Variants in CLEC16A observed in about 807,000 individuals in gnomAD.
CLEC16A encodes the protein C-type lectin domain containing 16A.
In CLEC16A, 51 loss-of-function variants were observed where a neutral mutation model predicts 109.5. That is an observed-to-expected ratio of 0.47 (90% confidence interval 0.37 to 0.59). The LOEUF is 0.59. Among genes scored for constraint, CLEC16A ranks in the 20% least tolerant of loss-of-function variants. The pLI is 0.00. For synonymous variants in CLEC16A, 673 were observed against 564.2 expected, an observed-to-expected ratio of 1.19 and a Z score of -2.73; for missense variants, 1,339 against 1,394.0, an observed-to-expected ratio of 0.96 and a Z score of 0.63.
chr16:11,063,277 C>CTTTTTT (rs56409015), intron 19 of CLEC16A, among the ~76,000 whole-genome samples: 1 of 79,098 alleles, frequency 1.3e-5, no homozygotes. Context: ...TTCTTCTTTC[C>CTTTTTT]TTTTTTTTTT....
At chr16:11,103,355 G>A (rs755371527) in intron 19 of CLEC16A, among the ~76,000 whole-genome samples, 2 of 152,160 alleles carry the variant, frequency 1.3e-5, no homozygotes, top group African/African-American at 2.4e-5. Flanking sequence ...TGAGGTGGGC[G>A]GATCACCTGA....
Position 11,178,433 on chromosome 16 carries a change from G to C in CLEC16A, c.2905G>C (p.Ala969Pro), listed in dbSNP as rs376391686. ...AGACTCTAAGCCCAGCAAGAACGTGGCCAGGAGCGCAGCCGTGGAGACAGC... is the reference window on the plus strand; with the variant it reads ...AGACTCTAAGCCCAGCAAGAACGTGCCCAGGAGCGCAGCCGTGGAGACAGC... ...EADSKPSKNVARSAAVETASL... is the reference protein window; with the variant it reads ...EADSKPSKNVPRSAAVETASL... The change falls in exon 24 of 24, where the codon GCC becomes CCC. Residue 969 changes from alanine (A) to proline (P), a missense_variant. Physicochemically the swap from Ala to Pro is conservative, Grantham distance 27. Around this residue, in one of 3 missense-constraint regions of CLEC16A, gnomAD observed 1,061 missense variants for 1,006.8 expected, o/e 1.05. Transcript: ENST00000409790. This position sits in a 1 kb window ranked among gnomAD's most constrained non-coding sequence, Gnocchi z 6.5. 1 of 1,613,500 alleles carries C rather than the reference G, an allele frequency of 6.2e-7. No individual in the cohort carries two copies. The highest frequency in any genetic ancestry group is 1.3e-5 in the African/African-American group (1 of 74,922).
chr16:11,123,966 CA>C lies in CLEC16A; in HGVS notation c.2473+21del, dbSNP rs2153033095. 1 of 1,576,150 alleles carries C rather than the reference CA, an allele frequency of 6.3e-7. No individual in the cohort carries two copies. The highest frequency in any genetic ancestry group is 1.4e-5 in the African/African-American group (1 of 73,988). Reference sequence around the variant, plus strand: ...TAGCTGGTGAGTGGCTGGACCCTGGCAGGGCATCCTCTGAGCACTTGGTGGG... The same window carrying C: ...TAGCTGGTGAGTGGCTGGACCCTGGCGGGCATCCTCTGAGCACTTGGTGGG... On this transcript the variant is annotated intron_variant, in intron 21 of 23. Transcript: ENST00000409790.
chr16:11,085,949 C>G (rs2049986837), intron 19 of CLEC16A, among the ~76,000 whole-genome samples: 1 of 152,174 alleles, frequency 6.6e-6, no homozygotes, highest in East Asian at 1.9e-4. Context: ...CATATCAGTA[C>G]CTGTGGGAAG....
chr16:11,026,918 C>G, intron 13 of CLEC16A: 1 of 941,496 alleles, frequency 1.1e-6, no homozygotes, highest in Admixed American at 2.1e-5. Flanking sequence ...ACTGGGTCCT[C>G]CAGCGTGAGC....
intron 19 of CLEC16A, among the ~76,000 whole-genome samples, chr16:11,070,111 C>G (rs2048986250): frequency 6.6e-6 from 1 of 151,982 alleles, no homozygotes; most frequent in Non-Finnish European, 1.5e-5. Context: ...CACCCTATTG[C>G]CCAGGCTGGA....
intron 22 of CLEC16A, among the ~76,000 whole-genome samples, chr16:11,163,012 G>A (rs2054779261): frequency 6.6e-6 from 1 of 152,194 alleles, no homozygotes; most frequent in South Asian, 2.1e-4. Flanking sequence ...AGGGAGGCCG[G>A]TTTGCCTTCA....
chr16:11,173,553 G>T (rs908646703), intron 23 of CLEC16A, among the ~76,000 whole-genome samples: 5 of 152,090 alleles, frequency 3.3e-5, no homozygotes, highest in African/African-American at 9.7e-5. Flanking sequence ...GGAGAGGCTC[G>T]TGGAGAGGCT....
At chr16:10,967,104 A>C (rs2042549151) in intron 3 of CLEC16A, among the ~76,000 whole-genome samples, 1 of 152,180 alleles carries the variant, frequency 6.6e-6, no homozygotes. Flanking sequence ...TACAAACCGC[A>C]CAGCCTGTCT....
chr16:10,947,877 C>G (rs923262298), intron 1 of CLEC16A, among the ~76,000 whole-genome samples: 3 of 151,514 alleles, frequency 2.0e-5, no homozygotes, highest in Non-Finnish European at 2.9e-5. Context: ...TTTAAATACA[C>G]AAGGCATCTG....
rs1329881750 is a variant in CLEC16A, at chr16:11,060,892, G to A, written c.1996-10G>A. On this transcript the variant is annotated splice_polypyrimidine_tract_variant and intron_variant, in intron 18 of 23. Coordinates refer to ENST00000409790, the MANE Select transcript of CLEC16A (RefSeq NM_015226.3). ...CTCACTCTTCTCTGCTCTCTGAACT[G>A]TTGGTCCAGGCCATCCGGGTGTTCT... 6.2e-7 allele frequency: 1 copy of A among 1,603,722 alleles called. No homozygotes were observed. The highest frequency in any genetic ancestry group is 1.1e-5 in the South Asian group (1 of 89,566).
chr16:11,020,152 A>G, intron 11 of CLEC16A, 41 bp from the exon 12 acceptor site: 1 of 1,566,564 alleles, frequency 6.4e-7, no homozygotes, highest in Non-Finnish European at 8.7e-7. Context: ...TAGGGCTGAA[A>G]AGCTGTCTGG....
chr16:11,120,055 C>A (rs915920918), intron 19 of CLEC16A, among the ~76,000 whole-genome samples: 1 of 152,186 alleles, frequency 6.6e-6, no homozygotes, highest in African/African-American at 2.4e-5. Flanking sequence ...CTGCAACCTC[C>A]ACCTCCCAGA....
At chr16:11,034,511 C>T (rs902912786) in intron 13 of CLEC16A, among the ~76,000 whole-genome samples, 1 of 152,148 alleles carries the variant, frequency 6.6e-6, no homozygotes, top group South Asian at 2.1e-4. Context: ...GAGTTACTGA[C>T]ACTGTGGGGC....
intron 19 of CLEC16A, among the ~76,000 whole-genome samples, chr16:11,081,984 A>T (rs2049745793): frequency 6.6e-6 from 1 of 152,166 alleles, no homozygotes; most frequent in South Asian, 2.1e-4. Context: ...GTGAGCCAAG[A>T]TGGCACTACT....
At chr16:10,985,385 A>T (rs1322294870) in intron 10 of CLEC16A, among the ~76,000 whole-genome samples, 1 of 151,820 alleles carries the variant, frequency 6.6e-6, no homozygotes, top group African/African-American at 2.4e-5. Flanking sequence ...TCCAACAGTC[A>T]GAAGATCTGG....
intron 22 of CLEC16A, among the ~76,000 whole-genome samples, chr16:11,166,098 C>A (rs1440275788): frequency 6.6e-6 from 1 of 152,232 alleles, no homozygotes; most frequent in Non-Finnish European, 1.5e-5. Context: ...GCACAGCTGG[C>A]ACGCTGCTGA....
At chr16:11,022,412 C>T (rs977070579) in intron 12 of CLEC16A, among the ~76,000 whole-genome samples, 2 of 147,444 alleles carry the variant, frequency 1.4e-5, no homozygotes, top group Non-Finnish European at 3.0e-5. Context: ...AACTCCTGGC[C>T]TCAAGTGATC....
chr16:11,077,973 GTGTGT>G (rs2049481733), intron 19 of CLEC16A, among the ~76,000 whole-genome samples: 1 of 130,740 alleles, frequency 7.6e-6, no homozygotes, highest in African/African-American at 3.3e-5. Flanking sequence ...ACGTGTGTGT[GTGTGT>G]GTGTGTGTGT....
Sources: allele counts gnomAD v4.1 joint callset (sites outside exome capture counted in the v4.1 genomes callset), GRCh38; gene constraint gnomAD v4.1.1; regional missense constraint gnomAD v4.1.1; non-coding constraint Gnocchi (gnomAD v3.1); transcripts MANE v1.5; gene names NCBI Gene and HGNC (gene_info 2026-07-23, HGNC 2026-07-21).